Variants in ADAMTS12 observed in about 807,000 individuals in gnomAD.
The protein encoded by ADAMTS12 is A disintegrin and metalloproteinase with thrombospondin motifs 12.
In ADAMTS12, 118 loss-of-function variants were observed where a neutral mutation model predicts 167.8. The observed-to-expected ratio is 0.70, with a 90% CI of 0.61 to 0.82. The LOEUF (loss-of-function observed/expected upper bound fraction) is 0.82, where lower values mean the gene tolerates loss of function less well. Ranked by LOEUF, ADAMTS12 falls within the 40% of genes least tolerant of loss-of-function variation. ADAMTS12 has a pLI of 0.00. For missense variants in ADAMTS12, 1,916 were observed against 1,998.8 expected, an observed-to-expected ratio of 0.96 and a Z score of 0.79; for synonymous variants, 704 against 716.9, an observed-to-expected ratio of 0.98 and a Z score of 0.29.
At chr5:33,579,380 C>G (rs1000121639) in intron 18 of ADAMTS12, among the ~76,000 whole-genome samples, 6 of 152,186 alleles carry the variant, frequency 3.9e-5, no homozygotes, top group Non-Finnish European at 8.8e-5. Flanking sequence ...ACAGGTGGCT[C>G]TCTTTCGGCT....
At chr5:33,721,607 C>T (rs1338856477) in intron 3 of ADAMTS12, among the ~76,000 whole-genome samples, 1 of 152,208 alleles carries the variant, frequency 6.6e-6, no homozygotes, top group East Asian at 1.9e-4. Context: ...CCTGCTAGTG[C>T]ATACAAAATG....
intron 3 of ADAMTS12, among the ~76,000 whole-genome samples, chr5:33,686,946 G>GAC (rs1742355297): frequency 6.6e-6 from 1 of 150,636 alleles, no homozygotes; most frequent in Non-Finnish European, 1.5e-5. Context: ...TAGAGAGAGA[G>GAC]AGAGAGAGAG....
chr5:33,794,285 G>A (rs1336266051), intron 2 of ADAMTS12, among the ~76,000 whole-genome samples: 1 of 152,174 alleles, frequency 6.6e-6, no homozygotes, highest in Non-Finnish European at 1.5e-5. Context: ...GTCTCTTCCG[G>A]TCCTGCAGGA....
At chr5:33,549,447 C>T (rs878895880) in intron 20 of ADAMTS12, 64 bp from the exon 21 acceptor site, 1 of 1,562,890 alleles carries the variant, frequency 6.4e-7, no homozygotes, top group Non-Finnish European at 8.7e-7. Flanking sequence ...CCTTCCTTCC[C>T]CTCAGCCGTG....
In ADAMTS12 at chr5:33,877,212, G is replaced by A. The variant is rs576802305; in HGVS notation, c.489+3907C>T. On this transcript the variant is annotated intron_variant, in intron 2 of 23. Coordinates refer to ENST00000504830, the MANE Select transcript of ADAMTS12 (RefSeq NM_030955.4). ...TAAAGCCTGAGCTAAGAAATGCTAT[G>A]AACAGGAATTACATAATGTGCTATA... Among the ~76,000 whole-genome samples, 5 of 152,272 alleles carry A rather than the reference G, an allele frequency of 3.3e-5. No homozygotes were observed. The East Asian group carries it at 9.7e-4, about 29-fold the overall frequency.
At chr5:33,535,514 C>T (rs1279013970) in intron 22 of ADAMTS12, among the ~76,000 whole-genome samples, 1 of 152,010 alleles carries the variant, frequency 6.6e-6, no homozygotes, top group African/African-American at 2.4e-5. Context: ...AACCAGATGG[C>T]AGAAAAGGTG....
chr5:33,668,620 C>T (rs563137838), intron 5 of ADAMTS12, among the ~76,000 whole-genome samples: 27 of 152,236 alleles, frequency 1.8e-4, no homozygotes, highest in African/African-American at 5.8e-4. Context: ...GTAGCTGGGA[C>T]TATAAGCCTG....
chr5:33,842,521 A>G (rs1748782499), intron 2 of ADAMTS12, among the ~76,000 whole-genome samples: 1 of 152,220 alleles, frequency 6.6e-6, no homozygotes, highest in Admixed American at 6.5e-5. Flanking sequence ...ATAATTTAAA[A>G]CAGGAGTTGT....
Position 33,818,183 on chromosome 5 carries a change from G to C in ADAMTS12, c.489+62936C>G, listed in dbSNP as rs538807341. 9.9e-5 allele frequency among the ~76,000 whole-genome samples: 15 copies of C among 151,834 alleles called. 1 individual carries two copies. The South Asian group carries it at 2.7e-3, about 27-fold the overall frequency. ...ATATTATATAATTTTATTAATTTTA[G>C]TACTCATGTTACATTAGATCTCTAA... is the stretch of plus-strand genomic sequence containing the variant. On this transcript the variant is annotated intron_variant, in intron 2 of 23. Transcript: ENST00000504830.
intron 18 of ADAMTS12, among the ~76,000 whole-genome samples, chr5:33,579,945 CG>C (rs1250627943): frequency 1.3e-5 from 2 of 152,190 alleles, no homozygotes; most frequent in African/African-American, 4.8e-5. Context: ...GGAGGTGTGA[CG>C]TGAGCAGCTG....
At chr5:33,833,968 A>T (rs1235144351) in intron 2 of ADAMTS12, among the ~76,000 whole-genome samples, 2 of 152,188 alleles carry the variant, frequency 1.3e-5, no homozygotes, top group Non-Finnish European at 2.9e-5. Context: ...ATTTTCTCAC[A>T]GTTTTGGAGG....
chr5:33,805,704 GAA>G (rs1262681484), intron 2 of ADAMTS12, among the ~76,000 whole-genome samples: 2 of 152,168 alleles, frequency 1.3e-5, no homozygotes, highest in East Asian at 3.8e-4. Context: ...TGTGACAGGA[GAA>G]AAGAGGTTAT....
chr5:33,562,573 G>GATAGGCTGTACAT (rs1456005474), intron 19 of ADAMTS12, among the ~76,000 whole-genome samples: 1 of 150,874 alleles, frequency 6.6e-6, no homozygotes, highest in Non-Finnish European at 1.5e-5. Context: ...GGTTTCTTTT[G>GATAGGCTGTACAT]ATAGGCTGTA....
chr5:33,699,164 TA>T (rs1207967934), intron 3 of ADAMTS12, among the ~76,000 whole-genome samples: 1 of 151,232 alleles, frequency 6.6e-6, no homozygotes, highest in African/African-American at 2.4e-5. Flanking sequence ...TCTCAAACAA[TA>T]AAAAATAAAA....
chr5:33,767,045 G>A (rs910050026), intron 2 of ADAMTS12, among the ~76,000 whole-genome samples: 1 of 151,940 alleles, frequency 6.6e-6, no homozygotes, highest in Non-Finnish European at 1.5e-5. Context: ...ACAAACTAAT[G>A]GCCAATAATA....
intron 5 of ADAMTS12, 41 bp downstream of exon 5, chr5:33,682,977 G>A (rs368271571): frequency 3.2e-6 from 5 of 1,550,124 alleles, no homozygotes; most frequent in Non-Finnish European, 4.4e-6. Context: ...GGTAGGAAGT[G>A]CGAGGACATA....
chr5:33,555,438 CG>C (rs1184727514), intron 20 of ADAMTS12, among the ~76,000 whole-genome samples: 3 of 152,038 alleles, frequency 2.0e-5, no homozygotes, highest in Non-Finnish European at 4.4e-5. Flanking sequence ...TCAGTGGAGA[CG>C]GGGTTTTGCC....
At chr5:33,528,816 G>A (rs189551702) in intron 23 of ADAMTS12, among the ~76,000 whole-genome samples, 187 of 152,312 alleles carry the variant, frequency 1.2e-3, no homozygotes, top group African/African-American at 4.3e-3. Context: ...GGAGGCTGAC[G>A]TGGGCGGATC....
intron 1 of ADAMTS12, among the ~76,000 whole-genome samples, chr5:33,883,327 G>GTTTTTTTTTTTTTTTTTTTTTTTTTTT (rs79064946): frequency 9.0e-6 from 1 of 111,606 alleles, no homozygotes; most frequent in Non-Finnish European, 1.9e-5. Flanking sequence ...TTTTTTTTTT[G>GTTTTTTTTTTTTTTTTTTTTTTTTTTT]TTTTTTTTTT....
Sources: allele counts gnomAD v4.1 joint callset (sites outside exome capture counted in the v4.1 genomes callset), GRCh38; gene constraint gnomAD v4.1.1; transcripts MANE v1.5; gene names NCBI Gene and HGNC (gene_info 2026-07-23, HGNC 2026-07-21).